Variants in N4BP3 observed in about 807,000 individuals in gnomAD.
N4BP3 encodes the protein NEDD4 binding protein 3, also known as NEDD4-binding protein 3.
In N4BP3, 33 loss-of-function variants were observed where a neutral mutation model predicts 43.8. That is an observed-to-expected ratio of 0.75 (90% CI 0.57 to 1.01). N4BP3 has a LOEUF of 1.01. N4BP3 is among the 50% of genes least tolerant of loss of function. The pLI is 0.00. For synonymous variants in N4BP3, 326 were observed against 321.9 expected (o/e 1.01, Z -0.14); for missense variants, 756 against 744.2 (o/e 1.02, Z -0.18).
intron 1 of N4BP3, among the ~76,000 whole-genome samples, chr5:178,115,494 C>G (rs1474522736): frequency 6.6e-6 from 1 of 152,230 alleles, no homozygotes; most frequent in Admixed American, 6.5e-5. Context: ...GCAGGCAGCA[C>G]TCCTGCCCAT....
At position 178,121,795 on chromosome 5, in the gene N4BP3, C is replaced by T. The variant is rs767458197; in HGVS notation, c.1429C>T (p.Leu477Phe). Reference protein sequence around the residue: ...QLRAELLQERLRGQEQALRFE... With the variant: ...QLRAELLQERFRGQEQALRFE... ...GCGGGCTGAGCTGCTGCAGGAGCGA[C>T]TTCGGGGCCAGGAGCAGGCGCTGCG... The change falls in exon 5 of 5, where the codon CTT (leucine) becomes TTT (phenylalanine). Residue 477 changes from leucine (L) to phenylalanine (F), a missense_variant. Leu to Phe is a conservative substitution (Grantham distance 22). Transcript: ENST00000274605. The T allele has an allele frequency of 1.9e-6, 3 of 1,609,022 alleles. No homozygotes were observed. The highest frequency in any genetic ancestry group is 2.2e-5 in the East Asian group (1 of 44,856).
Position 178,126,033 on chromosome 5 carries a change from T to C in N4BP3, c.*4032T>C, listed in dbSNP as rs1172433369. 1 of 152,124 alleles carries C rather than the reference T, an allele frequency of 6.6e-6. No homozygotes were observed. The highest frequency in any genetic ancestry group is 1.5e-5 in the Non-Finnish European group (1 of 68,042). The allele number at this position is 152,124 out of a possible 1,614,324, so 9.4% of individuals were successfully genotyped here. ...CATGGAAAGAATGAAGAGCCAGAAATAGATTCTATTCTGTAGAAAATCTTA... is the reference window on the plus strand; with the variant it reads ...CATGGAAAGAATGAAGAGCCAGAAACAGATTCTATTCTGTAGAAAATCTTA... On this transcript the variant is annotated 3_prime_UTR_variant, in exon 5 of 5. Transcript: ENST00000274605.
chr5:178,120,246 T>C lies in N4BP3; in HGVS notation c.399T>C (p.Ser133=), dbSNP rs7719667. ...GGAAAGGCTTCCTATCCATGCAAAG[T>C]CTGGCGTCCCACAAAGGCCAGAAGC... is the stretch of plus-strand genomic sequence containing the variant. ...GNGKGFLSMQ[S]LASHKGQKLW... Residue 133 remains serine (S), a synonymous_variant, in exon 3 of 5, where the codon AGT becomes AGC. Coordinates refer to ENST00000274605, the MANE Select transcript of N4BP3 (RefSeq NM_015111.2). 1 allele frequency: 1,607,388 copies of C among 1,607,628 alleles called. 803,576 individuals are homozygous for C. The highest frequency in any genetic ancestry group is 1 in the Middle Eastern group (6,040 of 6,040).
At chr5:178,126,224 C>G (rs1410210290), downstream of N4BP3, 1 of 151,338 alleles carries the variant, frequency 6.6e-6, no homozygotes, top group Non-Finnish European at 1.5e-5. Flanking sequence ...ACTGTGTTGC[C>G]CAGGAGTGCA....
chr5:178,115,139 T>A (rs1757743787), intron 1 of N4BP3, among the ~76,000 whole-genome samples: 4 of 152,144 alleles, frequency 2.6e-5, no homozygotes, highest in Admixed American at 2.6e-4. Context: ...CCCACGAGGC[T>A]ATTGTGGAGA....
intron 1 of N4BP3, among the ~76,000 whole-genome samples, chr5:178,115,282 CAG>C (rs1455758713): frequency 6.6e-6 from 1 of 152,222 alleles, no homozygotes; most frequent in African/African-American, 2.4e-5. Context: ...GTGTCTGTCA[CAG>C]AGGGGATGGG....
intron 2 of N4BP3, 90 bp downstream of exon 2, chr5:178,120,003 T>A: frequency 6.7e-7 from 1 of 1,481,970 alleles, no homozygotes; most frequent in Non-Finnish European, 9.0e-7. Context: ...GGACGGGGCA[T>A]GCTGAGATAC....
intron 1 of N4BP3, among the ~76,000 whole-genome samples, chr5:178,116,689 C>T (rs1465199465): frequency 1.3e-5 from 2 of 152,186 alleles, no homozygotes; most frequent in South Asian, 4.1e-4. Context: ...TGCGCTGTTG[C>T]GGCCGGTGGC....
intron 1 of N4BP3, among the ~76,000 whole-genome samples, chr5:178,117,941 G>A (rs1757810565): frequency 6.6e-6 from 1 of 152,210 alleles, no homozygotes. Context: ...GGAAATGGTT[G>A]AGGAAGATGG....
chr5:178,118,182 C>T lies in N4BP3; in HGVS notation c.-30-1372C>T, dbSNP rs1024170557. 6.6e-6 allele frequency among the ~76,000 whole-genome samples: 1 copy of T among 152,208 alleles called. No individual in the cohort carries two copies. The highest frequency in any genetic ancestry group is 2.4e-5 in the African/African-American group (1 of 41,442). The stretch of plus-strand genomic sequence containing the variant: ...CAGAGGATCCCCAGGGGACTAGGTA[C>T]CAGCCCTGCCTCCAGAGTGTGTGGC... On this transcript the variant is annotated intron_variant, in intron 1 of 4. Transcript: ENST00000274605. This position sits in a 1 kb window ranked among gnomAD's most constrained non-coding sequence, Gnocchi z 5.4.
At chr5:178,121,397 C>T (rs750881909) in intron 4 of N4BP3, 45 bp downstream of exon 4, 69 of 1,611,704 alleles carry the variant, frequency 4.3e-5, no homozygotes, top group Admixed American at 1.0e-4. Flanking sequence ...TCTCCATTGC[C>T]GGTCCCTTCT....
chr5:178,126,529 G>T (rs1219986246), downstream of N4BP3, among the ~76,000 whole-genome samples: 1 of 152,170 alleles, frequency 6.6e-6, no homozygotes. Context: ...TAGGAAATTG[G>T]TGGTGGGGCT....
intron 1 of N4BP3, among the ~76,000 whole-genome samples, chr5:178,115,588 C>G (rs1328159596): frequency 6.6e-6 from 1 of 152,224 alleles, no homozygotes; most frequent in Non-Finnish European, 1.5e-5. Context: ...TGTGCTTTCT[C>G]CCCTGCGGCT....
chr5:178,122,122 C>T lies in N4BP3; in HGVS notation c.*121C>T, dbSNP rs1330333755. ...AGAGGCCAGCCCGGGGCTGGGGAGG[C>T]GCAAGGAGAGGAGGGATCCAGTGGG... On this transcript the variant is annotated 3_prime_UTR_variant, in exon 5 of 5. Transcript: ENST00000274605. 9.4e-6 allele frequency: 12 copies of T among 1,281,434 alleles called. No homozygotes were observed. Among genetic ancestry groups the T allele is most frequent in the East Asian group, 7.7e-5 (3 of 39,056 alleles). 79.4% of individuals were successfully genotyped at this position (1,281,434 alleles called of 1,614,324 possible). A position where few individuals can be genotyped will look rare whatever the true frequency, so the allele number is the denominator to read the frequency against.
chr5:178,120,063 G>T, intron 2 of N4BP3, 115 bp from the exon 3 acceptor site: 2 of 1,478,934 alleles, frequency 1.4e-6, no homozygotes, highest in Non-Finnish European at 1.8e-6. Context: ...CCTCCTGGTG[G>T]CACGTGCCCC....
Position 178,123,423 on chromosome 5 carries a change from C to T in N4BP3, c.*1422C>T, listed in dbSNP as rs1488593729. On this transcript the variant is annotated 3_prime_UTR_variant, in exon 5 of 5. Transcript: ENST00000274605. ...ACTGATGTCAGCTCACCAGTCTCTT[C>T]CCTGACAGGGCAGCTCAGGGAACTT... 1 of 152,312 alleles carries T rather than the reference C, an allele frequency of 6.6e-6. No homozygotes were observed. Among genetic ancestry groups the T allele is most frequent in the African/African-American group, 2.4e-5 (1 of 41,454 alleles). The allele number at this position is 152,312 out of a possible 1,614,324, so 9.4% of individuals were successfully genotyped here.
At chr5:178,121,387 T>C (rs760291237) in intron 4 of N4BP3, 35 bp downstream of exon 4, 2 of 1,610,358 alleles carry the variant, frequency 1.2e-6, no homozygotes, top group South Asian at 2.2e-5. Flanking sequence ...GACTCTCCCA[T>C]CTCCATTGCC....
Position 178,121,604 on chromosome 5 carries a change from A to C in N4BP3, c.1238A>C (p.Gln413Pro), listed in dbSNP as rs1255562489. 1 of 1,613,178 alleles carries C rather than the reference A, an allele frequency of 6.2e-7. No homozygotes were observed. Among genetic ancestry groups the C allele is most frequent in the African/African-American group, 1.3e-5 (1 of 74,936 alleles). ...CTTCGGGGCAGCCGGGCACAAGCCC[A>C]GGCTCAGGACGCAGAGCTGGTCCGG... ...TQLRGSRAQAQAQDAELVRLR... is the reference protein window; with the variant it reads ...TQLRGSRAQAPAQDAELVRLR... The change falls in exon 5 of 5, where the codon CAG becomes CCG. Residue 413 changes from glutamine (Q) to proline (P), a missense_variant. By Grantham distance (76) the Gln-to-Pro change is moderately conservative. Transcript: ENST00000274605.
chr5:178,119,458 TG>T, intron 1 of N4BP3, 95 bp from the exon 2 acceptor site: 2 of 871,834 alleles, frequency 2.3e-6, no homozygotes, highest in South Asian at 2.0e-5. Context: ...GGCAAGGTTG[TG>T]GGGAGCTACA....
Sources: allele counts gnomAD v4.1 joint callset (sites outside exome capture counted in the v4.1 genomes callset), GRCh38; gene constraint gnomAD v4.1.1; non-coding constraint Gnocchi (gnomAD v3.1); transcripts MANE v1.5; gene names NCBI Gene and HGNC (gene_info 2026-07-23, HGNC 2026-07-21).